The following SIAH3 variants were observed in gnomAD, a reference collection of about 807,000 sequenced individuals.
The protein encoded by SIAH3 is seven in absentia homolog 3.
Under a neutral mutation model 12.6 loss-of-function variants are expected in SIAH3, and 9 were observed. That is an observed-to-expected ratio of 0.72 (90% confidence interval 0.43 to 1.25). The LOEUF (loss-of-function observed/expected upper bound fraction) is 1.25, where lower values mean the gene tolerates loss of function less well. Ranked by LOEUF, SIAH3 falls within the 50% of genes most tolerant of loss-of-function variation. The probability of loss-of-function intolerance (pLI) is 0.00; values close to 1 mark genes in which losing one functional copy is unlikely to be tolerated. For missense variants in SIAH3, 390 were observed against 365.4 expected (o/e 1.07, Z -0.55); for synonymous variants, 154 against 151.1 (o/e 1.02, Z -0.14).
At position 45,777,408 on chromosome 13, in the gene SIAH3, T is replaced by G. The variant is rs1423619027; in HGVS notation, c.*5975A>C. On this transcript the variant is annotated 3_prime_UTR_variant, in exon 2 of 2. Coordinates refer to ENST00000400405, the MANE Select transcript of SIAH3 (RefSeq NM_198849.3). ...AAGTAAAATGCTTCTCAATTTCCTT[T>G]CTCTTTCTTATCTCAATACCCTAAA... The G allele has an allele frequency of 3.3e-5, 5 of 152,278 alleles. No homozygotes were observed. In the South Asian group the frequency reaches 6.2e-4, roughly 19 times the overall value. 9.4% of individuals were successfully genotyped at this position (152,278 alleles called of 1,614,324 possible).
chr13:45,836,716 T>C (rs1470249942), intron 1 of SIAH3, among the ~76,000 whole-genome samples: 1 of 152,152 alleles, frequency 6.6e-6, no homozygotes, highest in Non-Finnish European at 1.5e-5. Flanking sequence ...TAAACCAACA[T>C]GGGACACGTT....
In SIAH3 at chr13:45,779,831, G is replaced by GTACAGCTACA. The variant is rs2137543910; in HGVS notation, c.*3551_*3552insTGTAGCTGTA. Reference sequence around the variant, plus strand: ...TCCAGAGTAGCCACAGCTAGTGATGGGGTTTACCAGGTACAGATTCATGCA... The same window carrying GTACAGCTACA: ...TCCAGAGTAGCCACAGCTAGTGATGGTACAGCTACAGGTTTACCAGGTACAGATTCATGCA... On this transcript the variant is annotated 3_prime_UTR_variant, in exon 2 of 2. Transcript: ENST00000400405. The GTACAGCTACA allele has an allele frequency of 2.0e-5, 3 of 152,278 alleles. No individual in the cohort carries two copies. Among genetic ancestry groups the GTACAGCTACA allele is most frequent in the African/African-American group, 7.2e-5 (3 of 41,554 alleles). 9.4% of individuals were successfully genotyped at this position (152,278 alleles called of 1,614,324 possible). A position where few individuals can be genotyped will look rare whatever the true frequency, so the allele number is the denominator to read the frequency against.
rs752914271 is a variant in SIAH3, at chr13:45,783,849, T to C, written c.344A>G (p.Gln115Arg). The C allele has an allele frequency of 1.9e-6, 3 of 1,614,120 alleles. No individual in the cohort carries two copies. The highest frequency in any genetic ancestry group is 2.5e-6 in the Non-Finnish European group (3 of 1,180,014). ...CACCACCTCCAGGCGGCCTTCCCAC[T>C]GGCAGGAGAACAAGGGACACATGCA... ...CLCMCPLFSC[Q>R]WEGRLEVVVP... Residue 115 changes from glutamine to arginine, a missense_variant, in exon 2 of 2, where the codon CAG (glutamine) becomes CGG (arginine). By Grantham distance (43) the Gln-to-Arg change is conservative (BLOSUM62 1). Transcript: ENST00000400405.
At chr13:45,792,751 G>A (rs1950550287) in intron 1 of SIAH3, among the ~76,000 whole-genome samples, 1 of 152,180 alleles carries the variant, frequency 6.6e-6, no homozygotes, top group South Asian at 2.1e-4. Context: ...TAGACAGTAT[G>A]TGGACCACCA....
At chr13:45,797,858 G>A (rs937316799) in intron 1 of SIAH3, among the ~76,000 whole-genome samples, 3 of 152,152 alleles carry the variant, frequency 2.0e-5, no homozygotes, top group African/African-American at 4.8e-5. Context: ...AATAACCTCA[G>A]ACATCTCTTT....
chr13:45,800,190 G>A (rs973664988), intron 1 of SIAH3, among the ~76,000 whole-genome samples: 4 of 152,064 alleles, frequency 2.6e-5, no homozygotes, highest in African/African-American at 7.2e-5. Context: ...TGCCATTTTC[G>A]ACATAAATGC....
chr13:45,796,633 C>T (rs1163439943), intron 1 of SIAH3, among the ~76,000 whole-genome samples: 1 of 152,248 alleles, frequency 6.6e-6, no homozygotes, highest in Non-Finnish European at 1.5e-5. Context: ...TTGCCCTTTG[C>T]TCCTAGAGGC....
At chr13:45,822,154 G>A (rs1038812440) in intron 1 of SIAH3, among the ~76,000 whole-genome samples, 6 of 152,128 alleles carry the variant, frequency 3.9e-5, no homozygotes, top group Admixed American at 3.9e-4. Flanking sequence ...GACAGCTGGT[G>A]CAACAGGGAG....
rs949032916 is a variant in SIAH3 at position 45,782,588 on chromosome 13, C to G, written c.*795G>C. On this transcript the variant is annotated 3_prime_UTR_variant, in exon 2 of 2. Coordinates refer to ENST00000400405, the MANE Select transcript of SIAH3 (RefSeq NM_198849.3). ...ATCCCCACCCCCCATCTTGCCTATT[C>G]TTTTCTACTACTTGCTCAACAGAAG... 5 of 152,152 alleles carry G rather than the reference C, an allele frequency of 3.3e-5. No homozygotes were observed. The highest frequency in any genetic ancestry group is 4.4e-5 in the Non-Finnish European group (3 of 68,026). 9.4% of individuals were successfully genotyped at this position (152,152 alleles called of 1,614,324 possible). A position where few individuals can be genotyped will look rare whatever the true frequency, so the allele number is the denominator to read the frequency against.
intron 1 of SIAH3, among the ~76,000 whole-genome samples, chr13:45,836,377 G>A (rs1022563143): frequency 1.3e-5 from 2 of 152,210 alleles, no homozygotes; most frequent in African/African-American, 4.8e-5. Flanking sequence ...CTATGCAGCT[G>A]TAAAAAGGAA....
intron 1 of SIAH3, among the ~76,000 whole-genome samples, chr13:45,828,721 G>A (rs1027122149): frequency 6.6e-6 from 1 of 152,172 alleles, no homozygotes; most frequent in Non-Finnish European, 1.5e-5. Flanking sequence ...GACAATAAAG[G>A]TCTCTTTCAA....
At chr13:45,848,710 A>G (rs1314820513) in intron 1 of SIAH3, among the ~76,000 whole-genome samples, 1 of 152,210 alleles carries the variant, frequency 6.6e-6, no homozygotes, top group Non-Finnish European at 1.5e-5. Context: ...TTCCACAAGG[A>G]AAAACACAAG....
intron 1 of SIAH3, among the ~76,000 whole-genome samples, chr13:45,809,898 A>C (rs1450804927): frequency 1.3e-5 from 2 of 152,236 alleles, no homozygotes; most frequent in East Asian, 3.8e-4. Context: ...GGGGAGACAA[A>C]ACAAAATGAA....
At position 45,777,272 on chromosome 13, in the gene SIAH3, T is replaced by A. The variant is rs1012230516; in HGVS notation, c.*6111A>T. ...GGAAACAATATCAAATGCAATTTAA[T>A]GACATTTTCTATGAGAGGGCAGAGA... is the stretch of plus-strand genomic sequence containing the variant. On this transcript the variant is annotated 3_prime_UTR_variant, in exon 2 of 2. Transcript: ENST00000400405. The A allele has an allele frequency of 2.6e-5, 4 of 152,192 alleles. No individual in the cohort carries two copies. The East Asian group carries it at 7.7e-4, about 29-fold the overall frequency. The allele number at this position is 152,192 out of a possible 1,614,324, so 9.4% of individuals were successfully genotyped here.
intron 1 of SIAH3, among the ~76,000 whole-genome samples, chr13:45,841,426 C>A (rs1281583635): frequency 3.3e-5 from 5 of 152,300 alleles, no homozygotes; most frequent in Admixed American, 2.6e-4. Context: ...TCCTGGGGAG[C>A]CAGGGCCTAC....
chr13:45,780,424 C>T lies in SIAH3; in HGVS notation c.*2959G>A, dbSNP rs978962766. ...TAGTTAAGACTATAGGCTTGTGTCA[C>T]CATGCCCAGCTGATTTTTTTTTTTG... On this transcript the variant is annotated 3_prime_UTR_variant, in exon 2 of 2. Coordinates refer to ENST00000400405, the MANE Select transcript of SIAH3 (RefSeq NM_198849.3). 5.3e-5 allele frequency: 8 copies of T among 151,154 alleles called. No individual in the cohort carries two copies. The allele number at this position is 151,154 out of a possible 1,614,324, so 9.4% of individuals were successfully genotyped here.
At chr13:45,850,195 C>T (rs1344592213) in intron 1 of SIAH3, among the ~76,000 whole-genome samples, 1 of 152,192 alleles carries the variant, frequency 6.6e-6, no homozygotes, top group Non-Finnish European at 1.5e-5. Flanking sequence ...GATAGTCCAT[C>T]GCCCCTCCCC....
At chr13:45,795,034 C>T (rs1950558007) in intron 1 of SIAH3, among the ~76,000 whole-genome samples, 1 of 150,064 alleles carries the variant, frequency 6.7e-6, no homozygotes, top group Admixed American at 6.6e-5. Flanking sequence ...TTTAAAAAAA[C>T]TTATTTTGAT....
rs751988218 is a variant in SIAH3, at chr13:45,783,384, C to T, written c.809G>A (p.Ter270=). Reference sequence around the variant, plus strand: ...GGGGAGCATCCGTGGCTCCTGGCCTCACATTTCAGCTTCTGAGGGGAGGAC... The same window carrying T: ...GGGGAGCATCCGTGGCTCCTGGCCTTACATTTCAGCTTCTGAGGGGAGGAC... The part of the protein sequence containing the change: ...TEVLPSEAEM[*] The change falls in exon 2 of 2, where the codon TGA becomes TAA. Residue 270 remains the stop codon, a stop_retained_variant. Coordinates refer to ENST00000400405, the MANE Select transcript of SIAH3 (RefSeq NM_198849.3). 3 of 1,605,766 alleles carry T rather than the reference C, an allele frequency of 1.9e-6. No individual in the cohort carries two copies. The highest frequency in any genetic ancestry group is 1.7e-6 in the Non-Finnish European group (2 of 1,173,750).
Sources: allele counts gnomAD v4.1 joint callset (sites outside exome capture counted in the v4.1 genomes callset), GRCh38; gene constraint gnomAD v4.1.1; transcripts MANE v1.5; gene names NCBI Gene and HGNC (gene_info 2026-07-23, HGNC 2026-07-21).